The following SPNS2 variants were observed in gnomAD, a reference collection of about 807,000 sequenced individuals.
SPNS2 encodes sphingosine-1-phosphate transporter SPNS2.
SPNS2 carries 37 observed loss-of-function variants against 57.6 expected under a neutral mutation model. The ratio of observed to expected loss-of-function variants is 0.64; its 90% CI spans 0.49 to 0.85. SPNS2 has a LOEUF of 0.85. SPNS2 is among the 40% of genes least tolerant of loss of function. SPNS2 has a pLI of 0.00. For synonymous variants in SPNS2, 440 were observed against 346.9 expected (o/e 1.27, Z -2.98); for missense variants, 831 against 779.1 (o/e 1.07, Z -0.79).
intron 2 of SPNS2, among the ~76,000 whole-genome samples, chr17:4,519,960 T>C (rs1310553375): frequency 6.6e-6 from 1 of 151,980 alleles, no homozygotes. Context: ...CCAGGCGGGG[T>C]CCTCCCTCCT....
chr17:4,535,875 G>C (rs1905756533), intron 9 of SPNS2, among the ~76,000 whole-genome samples: 1 of 151,716 alleles, frequency 6.6e-6, no homozygotes, highest in Non-Finnish European at 1.5e-5. Context: ...TGACTGGCAG[G>C]AGAGAAGCAG....
Position 4,530,628 on chromosome 17 carries a change from A to G in SPNS2, c.574-4A>G, listed in dbSNP as rs976140014. 4 of 1,610,262 alleles carry G rather than the reference A, an allele frequency of 2.5e-6. No individual in the cohort carries two copies. Among genetic ancestry groups the G allele is most frequent in the Non-Finnish European group, 3.4e-6 (4 of 1,178,470 alleles). Reference sequence around the variant, plus strand: ...CCCCCAGCATCCTCCACCCCTCCTCACAGTACTTCTGGCTGCTGGTCCTGT... The same window carrying G: ...CCCCCAGCATCCTCCACCCCTCCTCGCAGTACTTCTGGCTGCTGGTCCTGT... On this transcript the variant is annotated splice_region_variant and splice_polypyrimidine_tract_variant and intron_variant, in intron 3 of 12. Coordinates refer to ENST00000329078, the MANE Select transcript of SPNS2 (RefSeq NM_001124758.3).
At position 4,538,405 on chromosome 17, in the gene SPNS2, C is replaced by T. The variant is rs1427087146; in HGVS notation, c.*957C>T. 1.6e-5 allele frequency: 3 copies of T among 191,164 alleles called. No individual in the cohort carries two copies. The highest frequency in any genetic ancestry group is 2.1e-5 in the Non-Finnish European group (2 of 93,266). 11.8% of individuals were successfully genotyped at this position (191,164 alleles called of 1,614,324 possible). A position where few individuals can be genotyped will look rare whatever the true frequency, so the allele number is the denominator to read the frequency against. On this transcript the variant is annotated 3_prime_UTR_variant, in exon 13 of 13. Coordinates refer to ENST00000329078, the MANE Select transcript of SPNS2 (RefSeq NM_001124758.3). ...AAAGCTTCCTGCCCCAGAGCTGAGG[C>T]TGAGGCCCCGGGAGAGGCGGCCCCT...
chr17:4,538,172 C>CT lies in SPNS2; in HGVS notation c.*725dup, dbSNP rs1905972778. On this transcript the variant is annotated 3_prime_UTR_variant, in exon 13 of 13. Transcript: ENST00000329078. ...GGCCCTGGCTGCAGCTGTACACCAC[C>CT]TGTGCCCCCAGGCTCAAGGTCTCTG... The CT allele has an allele frequency of 3.9e-6, 1 of 257,792 alleles. No individual in the cohort carries two copies. The highest frequency in any genetic ancestry group is 2.2e-5 in the African/African-American group (1 of 45,298). 16.0% of individuals were successfully genotyped at this position (257,792 alleles called of 1,614,324 possible).
rs917617988 is a variant in SPNS2 at position 4,499,868 on chromosome 17, A to AC, written c.370+457dup. Among the ~76,000 whole-genome samples the AC allele has an allele frequency of 3.4e-4, 51 of 149,904 alleles. No individual in the cohort carries two copies. The highest frequency in any genetic ancestry group is 1.2e-3 in the African/African-American group (50 of 40,514). ...GTTCCTTCCTTTCTCCGCCGCCTCC[A>AC]CCCCCCTGCGTGCGTGCGGCGAGTG... On this transcript the variant is annotated intron_variant, in intron 1 of 12. Coordinates refer to ENST00000329078, the MANE Select transcript of SPNS2 (RefSeq NM_001124758.3). This position sits in a 1 kb window ranked among gnomAD's most constrained non-coding sequence, Gnocchi z 5.2.
chr17:4,533,309 G>A lies in SPNS2; in HGVS notation c.1155G>A (p.Thr385=), dbSNP rs759316276. The part of the protein sequence containing the change: ...FLGVVTGAGA[T]RWCRLKTQRA... ...GCGTGGTCACGGGGGCAGGAGCCAC[G>A]CGCTGGTGCCGCCTGAAGACCCAGC... The change falls in exon 8 of 13, where the codon ACG becomes ACA. Residue 385 remains threonine, a synonymous_variant. Transcript: ENST00000329078. 1.6e-5 allele frequency: 25 copies of A among 1,611,588 alleles called. No homozygotes were observed. The South Asian group carries it at 1.8e-4, about 11-fold the overall frequency.
At chr17:4,520,348 C>T (rs1352561052) in intron 2 of SPNS2, among the ~76,000 whole-genome samples, 4 of 152,266 alleles carry the variant, frequency 2.6e-5, no homozygotes, top group Middle Eastern at 3.4e-3. Context: ...AAGAAGGGCC[C>T]GTGCTTCCTG....
At chr17:4,531,206 C>G in intron 5 of SPNS2, 87 bp downstream of exon 5, 11 of 1,291,832 alleles carry the variant, frequency 8.5e-6, no homozygotes, top group Non-Finnish European at 1.1e-5. Context: ...AGGCTAGGAC[C>G]TAGGCCTCCA....
At position 4,533,300 on chromosome 17, in the gene SPNS2, A is replaced by T; in HGVS notation, c.1146A>T (p.Ala382=). 2.5e-6 allele frequency: 4 copies of T among 1,611,408 alleles called. No homozygotes were observed. Among genetic ancestry groups the T allele is most frequent in the Non-Finnish European group, 3.4e-6 (4 of 1,178,996 alleles). The change falls in exon 8 of 13, where the codon GCA becomes GCT. Residue 382 remains alanine (A), a synonymous_variant. Coordinates refer to ENST00000329078, the MANE Select transcript of SPNS2 (RefSeq NM_001124758.3). ...FTGFLGVVTG[A]GATRWCRLKT... is the part of the protein sequence containing the mutation. ...GATTTCTGGGCGTGGTCACGGGGGC[A>T]GGAGCCACGCGCTGGTGCCGCCTGA...
At chr17:4,536,757 C>A in intron 11 of SPNS2, 143 bp from the exon 12 acceptor site, 1 of 716,482 alleles carries the variant, frequency 1.4e-6, no homozygotes, top group Admixed American at 2.2e-5. Flanking sequence ...CACCCCTGGG[C>A]TCTCCCATCT....
chr17:4,528,107 C>T (rs1266493836), intron 3 of SPNS2, among the ~76,000 whole-genome samples: 3 of 152,016 alleles, frequency 2.0e-5, no homozygotes, highest in African/African-American at 7.2e-5. Context: ...ACTGCAACCT[C>T]CGCCTCCCGG....
intron 2 of SPNS2, among the ~76,000 whole-genome samples, chr17:4,519,499 G>A (rs996461496): frequency 5.6e-5 from 8 of 143,980 alleles, no homozygotes; most frequent in Admixed American, 2.1e-4. Context: ...CCAAGACCCC[G>A]AGGCAGGCGG....
chr17:4,526,401 G>A (rs1265148460), intron 3 of SPNS2, among the ~76,000 whole-genome samples: 3 of 152,108 alleles, frequency 2.0e-5, no homozygotes, highest in South Asian at 4.1e-4. Flanking sequence ...TCAGGAGTTC[G>A]AGACCAGCCT....
At position 4,499,390 on chromosome 17, in the gene SPNS2, A is replaced by T; in HGVS notation, c.343A>T (p.Asn115Tyr). 4 of 1,393,042 alleles carry T rather than the reference A, an allele frequency of 2.9e-6. No homozygotes were observed. Among genetic ancestry groups the T allele is most frequent in the Non-Finnish European group, 3.7e-6 (4 of 1,075,074 alleles). 86.3% of individuals were successfully genotyped at this position (1,393,042 alleles called of 1,614,324 possible). ...AAILSLGNVL[N>Y]YLDRYTVAGV... Reference sequence around the variant, plus strand: ...CATCCTCAGCTTGGGCAACGTGCTCAACTACCTGGACAGGTACACCGTGGC... The same window carrying T: ...CATCCTCAGCTTGGGCAACGTGCTCTACTACCTGGACAGGTACACCGTGGC... The change falls in exon 1 of 13, where the codon AAC (asparagine) becomes TAC (tyrosine). Residue 115 changes from asparagine (N) to tyrosine (Y), a missense_variant. This residue lies in a region of SPNS2 where 305 missense variants were observed against 378.3 expected (regional missense o/e 0.81). Coordinates refer to ENST00000329078, the MANE Select transcript of SPNS2 (RefSeq NM_001124758.3). This position sits in a 1 kb window ranked among gnomAD's most constrained non-coding sequence, Gnocchi z 5.2.
intron 3 of SPNS2, among the ~76,000 whole-genome samples, chr17:4,529,885 G>A (rs1343172994): frequency 6.6e-6 from 1 of 152,170 alleles, no homozygotes; most frequent in African/African-American, 2.4e-5. Flanking sequence ...GGAGCGAGGT[G>A]AGCAGATGGA....
At chr17:4,534,742 C>G (rs1905687801) in intron 9 of SPNS2, among the ~76,000 whole-genome samples, 2 of 151,426 alleles carry the variant, frequency 1.3e-5, no homozygotes, top group African/African-American at 4.9e-5. Flanking sequence ...AGGCCTGGCG[C>G]AGTTCAGAGC....
Position 4,512,474 on chromosome 17 carries a change from G to T in SPNS2, c.371-773G>T, listed in dbSNP as rs1336569164. On this transcript the variant is annotated intron_variant, in intron 1 of 12. Coordinates refer to ENST00000329078, the MANE Select transcript of SPNS2 (RefSeq NM_001124758.3). This position sits in a 1 kb window ranked among gnomAD's most constrained non-coding sequence, Gnocchi z 5.2. The stretch of plus-strand genomic sequence containing the variant: ...CTGCCCCCACCCCGTGACGTGCAAA[G>T]CCCTAAAGTAGTTGGGCTTGGAAGC... 6.6e-6 allele frequency among the ~76,000 whole-genome samples: 1 copy of T among 152,128 alleles called. No individual in the cohort carries two copies. Among genetic ancestry groups the T allele is most frequent in the Non-Finnish European group, 1.5e-5 (1 of 68,020 alleles).
Position 4,533,057 on chromosome 17 carries a change from A to C in SPNS2, c.1016A>C (p.Tyr339Ser), listed in dbSNP as rs750362032. The change falls in exon 7 of 13, where the codon TAC becomes TCC. Residue 339 changes from tyrosine to serine, a missense_variant. Around this residue, in one of 2 missense-constraint regions of SPNS2, gnomAD observed 526 missense variants for 400.9 expected, o/e 1.31. Transcript: ENST00000329078. ...TGALGMWIPL[Y>S]LHRAQVVQKT... ...GCCCTGGGCATGTGGATCCCGCTCT[A>C]CCTGCACCGCGCCCAAGTTGTGCAG... 6.2e-7 allele frequency: 1 copy of C among 1,613,246 alleles called. No homozygotes were observed. The highest frequency in any genetic ancestry group is 1.1e-5 in the South Asian group (1 of 91,072).
chr17:4,502,596 C>T (rs575188727), intron 1 of SPNS2, among the ~76,000 whole-genome samples: 6 of 152,154 alleles, frequency 3.9e-5, no homozygotes, highest in Admixed American at 6.5e-5. Flanking sequence ...GCTTCCCAGC[C>T]GTGTGACCTT....
Sources: allele counts gnomAD v4.1 joint callset (sites outside exome capture counted in the v4.1 genomes callset), GRCh38; gene constraint gnomAD v4.1.1; regional missense constraint gnomAD v4.1.1; non-coding constraint Gnocchi (gnomAD v3.1); transcripts MANE v1.5; gene names NCBI Gene and HGNC (gene_info 2026-07-23, HGNC 2026-07-21).